The following PCDHA12 variants were observed in gnomAD, a reference collection of about 807,000 sequenced individuals.
PCDHA12 encodes protocadherin alpha 12.
In PCDHA12, 44 loss-of-function variants were observed where a neutral mutation model predicts 60.0. The ratio of observed to expected loss-of-function variants is 0.73; its 90% CI spans 0.58 to 0.94. The LOEUF (loss-of-function observed/expected upper bound fraction) is 0.94, where lower values mean the gene tolerates loss of function less well. Ranked by LOEUF, PCDHA12 falls within the 40% of genes least tolerant of loss-of-function variation. PCDHA12 has a pLI of 0.00. For missense variants in PCDHA12, 1,276 were observed against 1,239.7 expected, an observed-to-expected ratio of 1.03 and a Z score of -0.44; for synonymous variants, 569 against 553.0, an observed-to-expected ratio of 1.03 and a Z score of -0.40.
chr5:140,894,253 T>C (rs1554186000), intron 1 of PCDHA12, among the ~76,000 whole-genome samples: 1 of 152,112 alleles, frequency 6.6e-6, no homozygotes, highest in Non-Finnish European at 1.5e-5. Context: ...TTCTTTTCTT[T>C]ACAAGTGGTA....
At chr5:140,945,158 G>C in intron 1 of PCDHA12, among the ~76,000 whole-genome samples, 1 of 151,932 alleles carries the variant, frequency 6.6e-6, no homozygotes, top group Non-Finnish European at 1.5e-5. Flanking sequence ...ATACACTATT[G>C]AACTATCTGA....
intron 1 of PCDHA12, among the ~76,000 whole-genome samples, chr5:140,978,727 G>A (rs1382730289): frequency 1.3e-5 from 2 of 152,198 alleles, no homozygotes; most frequent in South Asian, 2.1e-4. Flanking sequence ...TATTAAATCT[G>A]GTCTTCCAGG....
intron 3 of PCDHA12, among the ~76,000 whole-genome samples, chr5:141,006,464 C>T (rs1243356826): frequency 5.9e-5 from 9 of 152,100 alleles, no homozygotes; most frequent in African/African-American, 1.7e-4. Context: ...CTGCCTGTCT[C>T]GGCCTCCCAA....
chr5:140,924,293 C>T (rs2081770008), intron 1 of PCDHA12, among the ~76,000 whole-genome samples: 1 of 152,192 alleles, frequency 6.6e-6, no homozygotes, highest in African/African-American at 2.4e-5. Context: ...AATAGGCTGA[C>T]ATGTTTCCTC....
At chr5:140,928,337 AT>A (rs549164954) in intron 1 of PCDHA12, 7 of 1,613,944 alleles carry the variant, frequency 4.3e-6, no homozygotes, top group Non-Finnish European at 5.9e-6. Flanking sequence ...CTTGTCTCTT[AT>A]GAGCTGTTGG....
intron 1 of PCDHA12, among the ~76,000 whole-genome samples, chr5:140,947,975 A>G (rs572156919): frequency 5.8e-4 from 87 of 150,726 alleles, no homozygotes; most frequent in African/African-American, 1.9e-3. Context: ...TGTGCTACTC[A>G]TAGGTTTTTC....
chr5:140,966,290 G>A (rs2095989541), intron 1 of PCDHA12: 3 of 375,186 alleles, frequency 8.0e-6, no homozygotes, highest in Non-Finnish European at 1.4e-5. Flanking sequence ...GGGGTAGGGA[G>A]AAAGGGAGTG....
At chr5:140,998,754 C>T (rs2097832847) in intron 3 of PCDHA12, among the ~76,000 whole-genome samples, 1 of 152,056 alleles carries the variant, frequency 6.6e-6, no homozygotes, top group African/African-American at 2.4e-5. Context: ...AGAAGAGACA[C>T]AGTTTCACTA....
Position 140,877,923 on chromosome 5 carries a change from T to C in PCDHA12, c.2367+84T>C, listed in dbSNP as rs1252401405. ...ATAACTACATTCTCTCATTTTTCTTTATGATTCTATCCTTTAAACTATCGA... is the reference window on the plus strand; with the variant it reads ...ATAACTACATTCTCTCATTTTTCTTCATGATTCTATCCTTTAAACTATCGA... On this transcript the variant is annotated intron_variant, in intron 1 of 3. Coordinates refer to ENST00000398631, the MANE Select transcript of PCDHA12 (RefSeq NM_018903.4). 5 of 1,421,040 alleles carry C rather than the reference T, an allele frequency of 3.5e-6. No individual in the cohort carries two copies. The African/African-American group carries it at 5.8e-5, about 16-fold the overall frequency. The allele number at this position is 1,421,040 out of a possible 1,614,324, so 88.0% of individuals were successfully genotyped here. A position where few individuals can be genotyped will look rare whatever the true frequency, so the allele number is the denominator to read the frequency against.
intron 1 of PCDHA12, among the ~76,000 whole-genome samples, chr5:140,932,800 C>A (rs1041924506): frequency 6.6e-6 from 1 of 151,684 alleles, no homozygotes; most frequent in Non-Finnish European, 1.5e-5. Context: ...AAAAGCAATA[C>A]CTTGGAAACA....
intron 1 of PCDHA12, chr5:140,968,366 G>A (rs145153557): frequency 7.4e-6 from 12 of 1,614,078 alleles, no homozygotes; most frequent in Non-Finnish European, 1.0e-5. Flanking sequence ...CCTTTATGCT[G>A]TCAACTCCTT....
At chr5:140,913,945 A>T (rs2076523304) in intron 1 of PCDHA12, among the ~76,000 whole-genome samples, 1 of 152,086 alleles carries the variant, frequency 6.6e-6, no homozygotes, top group Non-Finnish European at 1.5e-5. Flanking sequence ...AAGAATCTTG[A>T]TATGATATCA....
At position 140,968,115 on chromosome 5, in the gene PCDHA12, C is replaced by T. The variant is rs199565711; in HGVS notation, c.2368-10834C>T. On this transcript the variant is annotated intron_variant, in intron 1 of 3. Coordinates refer to ENST00000398631, the MANE Select transcript of PCDHA12 (RefSeq NM_018903.4). ...ACAGATGGGGGAATACCGCAGCTCACATCCCTGCGTACACTGAAGGTTGAG... is the reference window on the plus strand; with the variant it reads ...ACAGATGGGGGAATACCGCAGCTCATATCCCTGCGTACACTGAAGGTTGAG... 8.7e-6 allele frequency: 14 copies of T among 1,614,068 alleles called. No individual in the cohort carries two copies. In the Admixed American group the frequency reaches 1.2e-4, roughly 13 times the overall value.
At chr5:140,991,320 A>G (rs1563572656) in intron 3 of PCDHA12, among the ~76,000 whole-genome samples, 1 of 152,216 alleles carries the variant, frequency 6.6e-6, no homozygotes, top group Non-Finnish European at 1.5e-5. Context: ...CGCATGATAC[A>G]TGAAGGGAAT....
chr5:140,909,380 C>T (rs1247939021), intron 1 of PCDHA12, among the ~76,000 whole-genome samples: 2 of 152,194 alleles, frequency 1.3e-5, no homozygotes, highest in East Asian at 1.9e-4. Context: ...AATGAAACCA[C>T]ATCTAGTACA....
intron 1 of PCDHA12, among the ~76,000 whole-genome samples, chr5:140,920,659 C>T (rs1325541731): frequency 1.3e-5 from 2 of 152,098 alleles, no homozygotes; most frequent in East Asian, 3.9e-4. Flanking sequence ...TCCTTGCCAA[C>T]ATGGTGAAAC....
intron 1 of PCDHA12, among the ~76,000 whole-genome samples, chr5:140,959,410 T>C (rs564453268): frequency 6.6e-5 from 10 of 152,300 alleles, no homozygotes; most frequent in Non-Finnish European, 1.3e-4. Flanking sequence ...AAGTGTTGAT[T>C]GATCTGAGAA....
chr5:140,961,728 A>G (rs2095632104), intron 1 of PCDHA12, among the ~76,000 whole-genome samples: 1 of 152,192 alleles, frequency 6.6e-6, no homozygotes, highest in East Asian at 1.9e-4. Context: ...GCTCATAAAC[A>G]ATCACTTTAG....
At chr5:140,965,903 A>T (rs73793545) in intron 1 of PCDHA12, among the ~76,000 whole-genome samples, 2,475 of 152,308 alleles carry the variant, frequency 0.016, 63 homozygotes, top group African/African-American at 0.056. Context: ...CTTGGATCCC[A>T]GGATGCTGGT....
Sources: allele counts gnomAD v4.1 joint callset (sites outside exome capture counted in the v4.1 genomes callset), GRCh38; gene constraint gnomAD v4.1.1; transcripts MANE v1.5; gene names NCBI Gene and HGNC (gene_info 2026-07-23, HGNC 2026-07-21).